Variants in NAV2 observed in about 807,000 individuals in gnomAD.
The protein encoded by NAV2 is helicase, APC down-regulated 1.
NAV2 carries 54 observed loss-of-function variants against 223.2 expected under a neutral mutation model. That is an observed-to-expected ratio of 0.24 (90% CI 0.19 to 0.30). NAV2 has a LOEUF of 0.30. Among genes scored for constraint, NAV2 ranks in the 10% least tolerant of loss-of-function variants. The probability of loss-of-function intolerance (pLI) is 1.00; values close to 1 mark genes in which losing one functional copy is unlikely to be tolerated. For synonymous variants in NAV2, 1,279 were observed against 1,239.3 expected, an observed-to-expected ratio of 1.03 and a Z score of -0.67; for missense variants, 2,806 against 3,147.5, an observed-to-expected ratio of 0.89 and a Z score of 2.60.
chr11:19,482,544 G>A (rs2042312126), intron 1 of NAV2, among the ~76,000 whole-genome samples: 1 of 152,164 alleles, frequency 6.6e-6, no homozygotes, highest in African/African-American at 2.4e-5. Context: ...AGGGCATGTT[G>A]CTGTTGATGA....
intron 5 of NAV2, 52 bp downstream of exon 5, chr11:19,880,179 C>T (rs2153088802): frequency 6.7e-7 from 1 of 1,498,532 alleles, no homozygotes; most frequent in East Asian, 2.4e-5. Flanking sequence ...CCTTCCTCCA[C>T]CCCAACCAAT....
At chr11:19,359,129 T>C (rs560813134) in intron 1 of NAV2, among the ~76,000 whole-genome samples, 54 of 152,358 alleles carry the variant, frequency 3.5e-4, no homozygotes, top group African/African-American at 1.2e-3. Flanking sequence ...TTTGACTCTC[T>C]GAGTTAGATT....
At chr11:19,793,368 G>A (rs560724286) in intron 1 of NAV2, among the ~76,000 whole-genome samples, 7 of 152,310 alleles carry the variant, frequency 4.6e-5, no homozygotes, top group African/African-American at 1.4e-4. Flanking sequence ...TTGGATATGT[G>A]TATACTTGTC....
chr11:19,593,989 C>G (rs528737385), intron 1 of NAV2, among the ~76,000 whole-genome samples: 2 of 152,022 alleles, frequency 1.3e-5, no homozygotes, highest in African/African-American at 2.4e-5. Flanking sequence ...TTAATCCTCA[C>G]GACAACTCAT....
chr11:20,045,648 G>A lies in NAV2; in HGVS notation c.3880G>A (p.Val1294Met). 6.2e-7 allele frequency: 1 copy of A among 1,613,982 alleles called. No homozygotes were observed. Among genetic ancestry groups the A allele is most frequent in the Non-Finnish European group, 8.5e-7 (1 of 1,179,918 alleles). ...SLQPGAKYPD[V>M]ASPTLRRLFG... ...CCAGCCTGGAGCCAAGTACCCAGAT[G>A]TGGCCTCTCCCACACTCCGCAGGTA... The change falls in exon 14 of 38, where the codon GTG becomes ATG. Residue 1294 changes from valine (V) to methionine (M), a missense_variant. Transcript: ENST00000349880.
chr11:19,445,751 A>ATT (rs11312196), intron 1 of NAV2, among the ~76,000 whole-genome samples: 1 of 134,960 alleles, frequency 7.4e-6, no homozygotes, highest in Non-Finnish European at 1.6e-5. Context: ...TGGGCCTCTG[A>ATT]TTTTTTTTTT....
At chr11:19,396,863 C>T (rs1849470533) in intron 1 of NAV2, among the ~76,000 whole-genome samples, 1 of 152,186 alleles carries the variant, frequency 6.6e-6, no homozygotes, top group African/African-American at 2.4e-5. Context: ...TACATGCTAC[C>T]AGGCAAGGCA....
chr11:20,105,220 G>C lies in NAV2; in HGVS notation c.6645-311G>C, dbSNP rs1026773107. The C allele has an allele frequency of 2.6e-5, 6 of 232,772 alleles. 1 individual carries two copies. In the South Asian group the frequency reaches 2.7e-4, roughly 10 times the overall value. 14.4% of individuals were successfully genotyped at this position (232,772 alleles called of 1,614,324 possible). On this transcript the variant is annotated intron_variant, in intron 34 of 37. Coordinates refer to ENST00000349880, the MANE Select transcript of NAV2 (RefSeq NM_145117.5). ...GTTAGAGCCTAGCCTCTGGAGCCAG[G>C]CTTCTTGGTTCTCATCTTAGCTCTT...
chr11:19,864,354 T>G (rs1177603635), intron 3 of NAV2, among the ~76,000 whole-genome samples: 1 of 152,236 alleles, frequency 6.6e-6, no homozygotes, highest in Non-Finnish European at 1.5e-5. Context: ...ACACTGGTAT[T>G]CGGAGAAAAA....
chr11:19,689,361 G>A (rs948541388), intron 1 of NAV2, among the ~76,000 whole-genome samples: 10 of 152,224 alleles, frequency 6.6e-5, no homozygotes, highest in African/African-American at 2.2e-4. Context: ...GAGACAAGAA[G>A]CCTAGAACCA....
At chr11:19,647,021 TC>T (rs796317673) in intron 1 of NAV2, among the ~76,000 whole-genome samples, 99 of 151,996 alleles carry the variant, frequency 6.5e-4, no homozygotes, top group African/African-American at 2.3e-3. Flanking sequence ...TGCCAGCTGT[TC>T]CTGCCACAAG....
intron 10 of NAV2, among the ~76,000 whole-genome samples, chr11:19,964,492 C>T (rs1591450550): frequency 1.4e-5 from 2 of 146,606 alleles, no homozygotes; most frequent in African/African-American, 5.1e-5. Flanking sequence ...TTTTCATCCT[C>T]TTTTTTTTTT....
chr11:19,764,232 T>C (rs2152555845), intron 1 of NAV2, among the ~76,000 whole-genome samples: 1 of 152,336 alleles, frequency 6.6e-6, no homozygotes, highest in Admixed American at 6.5e-5. Flanking sequence ...GGATTTTAAC[T>C]GATATTTTAA....
At chr11:19,832,390 G>A (rs2059993882) in intron 1 of NAV2, 94 bp from the exon 2 acceptor site, 1 of 872,166 alleles carries the variant, frequency 1.1e-6, no homozygotes, top group Non-Finnish European at 1.9e-6. Flanking sequence ...TCACCAATGG[G>A]ACAGTGGCCA....
chr11:19,406,392 G>T (rs1849898107), intron 1 of NAV2, among the ~76,000 whole-genome samples: 2 of 152,308 alleles, frequency 1.3e-5, no homozygotes, highest in East Asian at 1.9e-4. Context: ...GCGCAGAACG[G>T]CAAGATGCTA....
At chr11:19,845,773 C>G (rs1389164931) in intron 3 of NAV2, among the ~76,000 whole-genome samples, 1 of 152,184 alleles carries the variant, frequency 6.6e-6, no homozygotes, top group Non-Finnish European at 1.5e-5. Flanking sequence ...GAAGTAAAAG[C>G]AGACATTTGT....
chr11:19,632,191 A>G (rs1035806149), intron 1 of NAV2, among the ~76,000 whole-genome samples: 2 of 152,186 alleles, frequency 1.3e-5, no homozygotes, highest in Non-Finnish European at 2.9e-5. Flanking sequence ...CACCCCCATT[A>G]CCATCTATTT....
chr11:20,071,343 C>G (rs953426292), intron 22 of NAV2, among the ~76,000 whole-genome samples: 1 of 152,248 alleles, frequency 6.6e-6, no homozygotes. Flanking sequence ...TGCCACATGT[C>G]TTTATCCACT....
chr11:19,584,620 C>T (rs2045832705), intron 1 of NAV2, among the ~76,000 whole-genome samples: 1 of 152,122 alleles, frequency 6.6e-6, no homozygotes, highest in Non-Finnish European at 1.5e-5. Flanking sequence ...TTATTTCTGC[C>T]TTCATTTCGT....
Sources: gnomAD v4.1 joint callset for allele counts (sites outside exome capture counted in the v4.1 genomes callset) on GRCh38, gnomAD v4.1.1 for gene constraint, MANE v1.5 for transcripts, NCBI Gene and HGNC (gene_info 2026-07-23, HGNC 2026-07-21) for gene names.